CAMK2B: variants seen among roughly 807,000 people sequenced by gnomAD.
CAMK2B encodes the protein calcium/calmodulin dependent protein kinase II beta.
In CAMK2B, 27 loss-of-function variants were observed where a neutral mutation model predicts 93.7. The ratio of observed to expected loss-of-function variants is 0.29; its 90% confidence interval spans 0.21 to 0.40. CAMK2B has a LOEUF of 0.40. Ranked by LOEUF, CAMK2B falls within the 10% of genes least tolerant of loss-of-function variation. The pLI is 1.00. For synonymous variants in CAMK2B, 374 were observed against 358.8 expected (o/e 1.04, Z -0.48); for missense variants, 568 against 895.8 (o/e 0.63, Z 4.67).
At chr7:44,256,627 T>C (rs1419383320) in intron 4 of CAMK2B, among the ~76,000 whole-genome samples, 1 of 152,214 alleles carries the variant, frequency 6.6e-6, no homozygotes, top group Non-Finnish European at 1.5e-5. Flanking sequence ...TATAACTGTT[T>C]AGGTCTTGGC....
chr7:44,303,127 G>T (rs759314446), intron 1 of CAMK2B, among the ~76,000 whole-genome samples: 4 of 152,038 alleles, frequency 2.6e-5, no homozygotes, highest in African/African-American at 4.8e-5. Context: ...ATTGGAATTG[G>T]AATTTTAAAA....
chr7:44,277,713 C>G (rs1388011002), intron 2 of CAMK2B, among the ~76,000 whole-genome samples: 1 of 152,112 alleles, frequency 6.6e-6, no homozygotes, highest in Non-Finnish European at 1.5e-5. Flanking sequence ...TTCTCCCCCA[C>G]CAACCCTTGC....
Position 44,234,634 on chromosome 7 carries a change from C to T in CAMK2B, c.1059+5G>A. On this transcript the variant is annotated splice_donor_5th_base_variant and intron_variant, in intron 14 of 23. Coordinates refer to ENST00000395749, the MANE Select transcript of CAMK2B (RefSeq NM_001220.5). ...CGGCACCACAGGGCCCGGCTGGAGCCTCACCTTGACTCCATCTGCTTTCTT... is the reference window on the plus strand; with the variant it reads ...CGGCACCACAGGGCCCGGCTGGAGCTTCACCTTGACTCCATCTGCTTTCTT... The T allele has an allele frequency of 6.2e-7, 1 of 1,614,024 alleles. No individual in the cohort carries two copies. Among genetic ancestry groups the T allele is most frequent in the Non-Finnish European group, 8.5e-7 (1 of 1,179,922 alleles).
intron 17 of CAMK2B, 38 bp from the exon 18 acceptor site, chr7:44,229,539 C>T (rs1014095214): frequency 7.5e-6 from 8 of 1,068,584 alleles, no homozygotes; most frequent in Admixed American, 7.6e-5. Flanking sequence ...GTGGGTGGTG[C>T]GCCCGCAGGA....
intron 10 of CAMK2B, 24 bp from the exon 11 acceptor site, chr7:44,241,807 T>C (rs769616624): frequency 8.8e-6 from 14 of 1,596,274 alleles, no homozygotes; most frequent in South Asian, 3.3e-5. Flanking sequence ...GGTGGTCATA[T>C]GGCAGCCGAG....
At chr7:44,292,544 G>C (rs1274035791) in intron 1 of CAMK2B, among the ~76,000 whole-genome samples, 1 of 152,204 alleles carries the variant, frequency 6.6e-6, no homozygotes, top group East Asian at 1.9e-4. Context: ...GGGGTTCTGT[G>C]AGAAAAGAAG....
Position 44,225,527 on chromosome 7 carries a change from C to T in CAMK2B, c.1597+989G>A, listed in dbSNP as rs1583762755. On this transcript the variant is annotated intron_variant, in intron 20 of 23. Coordinates refer to ENST00000395749, the MANE Select transcript of CAMK2B (RefSeq NM_001220.5). The surrounding 1 kb of genome is among the most constrained non-coding windows in gnomAD (Gnocchi z 5.0). ...ACCCCTGCTGGGGGTCCTCAGCCGA[C>T]CACAGAAGCTCTGGGGGTGAGTACC... is the stretch of plus-strand genomic sequence containing the variant. Among the ~76,000 whole-genome samples the T allele has an allele frequency of 6.6e-6, 1 of 152,168 alleles. No homozygotes were observed. Among genetic ancestry groups the T allele is most frequent in the African/African-American group, 2.4e-5 (1 of 41,448 alleles).
intron 6 of CAMK2B, among the ~76,000 whole-genome samples, chr7:44,245,706 C>T (rs1012657388): frequency 2.6e-5 from 4 of 152,006 alleles, no homozygotes; most frequent in African/African-American, 7.2e-5. Flanking sequence ...ACAGGGGGTA[C>T]GGTGGCGTGT....
At chr7:44,287,355 G>A (rs1280105293) in intron 1 of CAMK2B, among the ~76,000 whole-genome samples, 1 of 152,076 alleles carries the variant, frequency 6.6e-6, no homozygotes, top group Non-Finnish European at 1.5e-5. Flanking sequence ...TTCCCCTAAA[G>A]AGCACCCTGA....
In CAMK2B at chr7:44,242,349, G is replaced by A. The variant is rs777650848; in HGVS notation, c.697-9C>T. ...CACTCAGGGGACGGGAACTGCAGAA[G>A]GAAACAGCGCCCCGGCCGGGCCTGA... On this transcript the variant is annotated splice_polypyrimidine_tract_variant and intron_variant, in intron 9 of 23. Coordinates refer to ENST00000395749, the MANE Select transcript of CAMK2B (RefSeq NM_001220.5). 1.2e-6 allele frequency: 2 copies of A among 1,612,052 alleles called. No homozygotes were observed. Among genetic ancestry groups the A allele is most frequent in the South Asian group, 2.2e-5 (2 of 90,890 alleles).
intron 1 of CAMK2B, among the ~76,000 whole-genome samples, chr7:44,302,928 A>C (rs1257450025): frequency 6.6e-6 from 1 of 152,188 alleles, no homozygotes; most frequent in Non-Finnish European, 1.5e-5. Context: ...CAAGAAAAGG[A>C]AATAAAAGAT....
chr7:44,239,799 C>G, intron 12 of CAMK2B, 136 bp from the exon 13 acceptor site: 1 of 664,604 alleles, frequency 1.5e-6, no homozygotes, highest in Admixed American at 2.3e-5. Context: ...CAGATGGTTC[C>G]AGAATCCTTT....
At chr7:44,324,695 C>T (rs76097901) in intron 1 of CAMK2B, among the ~76,000 whole-genome samples, 241 of 152,284 alleles carry the variant, frequency 1.6e-3, no homozygotes, top group Non-Finnish European at 2.9e-3. Context: ...CTTAGTCTCT[C>T]CCCGCTATCC....
At chr7:44,245,910 G>A (rs1169011797) in intron 6 of CAMK2B, among the ~76,000 whole-genome samples, 1 of 152,148 alleles carries the variant, frequency 6.6e-6, no homozygotes, top group African/African-American at 2.4e-5. Flanking sequence ...CAGAGAAGCA[G>A]CAGGCTGAAC....
chr7:44,245,160 C>T (rs185641039), intron 6 of CAMK2B: 7 of 353,018 alleles, frequency 2.0e-5, no homozygotes, highest in African/African-American at 4.3e-5. Context: ...GAACATGGAC[C>T]GTAGGAAGCA....
intron 2 of CAMK2B, among the ~76,000 whole-genome samples, chr7:44,265,218 G>A (rs1192955847): frequency 6.6e-6 from 1 of 152,222 alleles, no homozygotes; most frequent in Non-Finnish European, 1.5e-5. Flanking sequence ...TCTGACGCGT[G>A]TGTAACACCA....
intron 20 of CAMK2B, among the ~76,000 whole-genome samples, chr7:44,222,864 G>A (rs1201805641): frequency 1.3e-5 from 2 of 152,130 alleles, no homozygotes; most frequent in East Asian, 1.9e-4. Context: ...CAAAGGAGGC[G>A]CCACATGCCC....
At chr7:44,256,255 G>C (rs967800240) in intron 4 of CAMK2B, among the ~76,000 whole-genome samples, 3 of 152,234 alleles carry the variant, frequency 2.0e-5, no homozygotes, top group Non-Finnish European at 4.4e-5. Context: ...AGCTTGGCCT[G>C]TCCGTGTGAG....
At chr7:44,257,868 C>T (rs1219289335) in intron 4 of CAMK2B, among the ~76,000 whole-genome samples, 1 of 152,290 alleles carries the variant, frequency 6.6e-6, no homozygotes, top group Non-Finnish European at 1.5e-5. Context: ...GCTGAGAGGG[C>T]AGCCCCCACG....
Sources: gnomAD v4.1 joint callset for allele counts (sites outside exome capture counted in the v4.1 genomes callset) on GRCh38, gnomAD v4.1.1 for gene constraint, Gnocchi (gnomAD v3.1) non-coding constraint, MANE v1.5 for transcripts, NCBI Gene and HGNC (gene_info 2026-07-23, HGNC 2026-07-21) for gene names.